SYT6: variants seen among roughly 807,000 people sequenced by gnomAD.
The protein encoded by SYT6 is synaptotagmin 6, also known as synaptotagmin-6.
A neutral mutation model predicts 38.4 loss-of-function variants in SYT6; 24 were observed. The observed-to-expected ratio is 0.62, with a 90% CI of 0.45 to 0.88. The LOEUF (loss-of-function observed/expected upper bound fraction) is 0.88. Ranked by LOEUF, SYT6 falls within the 40% of genes least tolerant of loss-of-function variation. The pLI is 0.00. For missense variants in SYT6, 611 were observed against 621.0 expected (o/e 0.98, Z 0.17); for synonymous variants, 265 against 241.9 (o/e 1.10, Z -0.89).
Position 114,092,045 on chromosome 1 carries a change from G to C in SYT6, c.*89C>G, listed in dbSNP as rs1266972665. On this transcript the variant is annotated 3_prime_UTR_variant, in exon 8 of 8. Transcript: ENST00000610222. ...TGGAGGTGGTTTCGGAGATGGGCAC[G>C]AGCTCTCACTGTCGAAGCTAGCAGC... 6 of 1,536,264 alleles carry C rather than the reference G, an allele frequency of 3.9e-6. No individual in the cohort carries two copies. In the South Asian group the frequency reaches 4.8e-5, roughly 12 times the overall value.
intron 1 of SYT6, among the ~76,000 whole-genome samples, chr1:114,144,696 G>C (rs1474580275): frequency 1.3e-5 from 2 of 152,062 alleles, no homozygotes; most frequent in African/African-American, 4.8e-5. Flanking sequence ...TTCTGAGCAA[G>C]GCTTGAATGC....
chr1:114,139,817 C>T lies in SYT6; in HGVS notation c.310G>A (p.Glu104Lys), dbSNP rs1171450714. The T allele has an allele frequency of 6.2e-7, 1 of 1,604,194 alleles. No homozygotes were observed. The highest frequency in any genetic ancestry group is 1.7e-5 in the Admixed American group (1 of 59,266). The change falls in exon 2 of 8, where the codon GAA becomes AAA. Residue 104 changes from glutamate (E) to lysine (K), a missense_variant. Transcript: ENST00000610222. ...SSPSSANPPL[E>K]ALQSPSFRGN... ...CTGAAGCTGGGGCTCTGGAGGGCTT[C>T]CAAGGGGGGATTAGCAGAAGAGGGA...
Position 114,103,683 on chromosome 1 carries a change from G to A in SYT6, c.1110C>T (p.Cys370=). The change falls in exon 4 of 8, where the codon TGC becomes TGT. Residue 370 remains cysteine, a synonymous_variant. Transcript: ENST00000610222. ...VDLGEIMFSL[C]YLPTAGRLTL... Reference sequence around the variant, plus strand: ...TGAGCCTGCCTGCAGTGGGCAGGTAGCAAAGGGAGAACATGATCTCTCCCA... The same window carrying A: ...TGAGCCTGCCTGCAGTGGGCAGGTAACAAAGGGAGAACATGATCTCTCCCA... 1.2e-6 allele frequency: 2 copies of A among 1,614,154 alleles called. No individual in the cohort carries two copies. The highest frequency in any genetic ancestry group is 1.3e-5 in the African/African-American group (1 of 75,038).
chr1:114,148,170 T>G (rs1046700894), intron 1 of SYT6, among the ~76,000 whole-genome samples: 1 of 152,036 alleles, frequency 6.6e-6, no homozygotes, highest in Non-Finnish European at 1.5e-5. Flanking sequence ...TTTCTTATCT[T>G]CCCCCACTGA....
chr1:114,119,810 G>A (rs924203885), intron 3 of SYT6, among the ~76,000 whole-genome samples: 5 of 152,194 alleles, frequency 3.3e-5, no homozygotes, highest in Admixed American at 6.5e-5. Flanking sequence ...GGTGGCTCAC[G>A]CCTGTAATCC....
At position 114,137,774 on chromosome 1, in the gene SYT6, G is replaced by T. The variant is rs202235973; in HGVS notation, c.792C>A (p.Ser264Arg). The T allele has an allele frequency of 3.0e-5, 48 of 1,614,046 alleles. No individual in the cohort carries two copies. The highest frequency in any genetic ancestry group is 3.3e-4 in the Middle Eastern group (2 of 6,084). ...GGTAGATCTTGACATAAGGGTCAGA[G>T]CTTCCACAAAAGTCCTTGGCAGGGA... is the stretch of plus-strand genomic sequence containing the variant. ...FDLPAKDFCG[S>R]SDPYVKIYLL... Residue 264 changes from serine to arginine, a missense_variant, in exon 3 of 8, where the codon AGC becomes AGA. Physicochemically the swap from Ser to Arg is moderately radical, Grantham distance 110. Coordinates refer to ENST00000610222, the MANE Select transcript of SYT6 (RefSeq NM_001253772.2).
intron 1 of SYT6, among the ~76,000 whole-genome samples, chr1:114,150,580 G>C (rs1205997320): frequency 6.6e-6 from 1 of 152,152 alleles, no homozygotes; most frequent in Admixed American, 6.6e-5. Context: ...TTCTGCATTT[G>C]CTGGAGCACT....
chr1:114,097,967 A>T, intron 5 of SYT6, 90 bp from the exon 6 acceptor site: 1 of 1,467,586 alleles, frequency 6.8e-7, no homozygotes, highest in Non-Finnish European at 9.3e-7. Flanking sequence ...ACTCTGCCCG[A>T]TGGGTCTAAC....
chr1:114,134,546 G>A lies in SYT6; in HGVS notation c.1071+2949C>T, dbSNP rs150128670. Among the ~76,000 whole-genome samples the A allele has an allele frequency of 1.3e-3, 200 of 152,266 alleles. 2 individuals carry two copies. The highest frequency in any genetic ancestry group is 3.3e-3 in the Admixed American group (50 of 15,292). ...TAGAATATGACTCAGGATATAACTC[G>A]GGGATACAGAGAACACACGGGAGAG... On this transcript the variant is annotated intron_variant, in intron 3 of 7. Coordinates refer to ENST00000610222, the MANE Select transcript of SYT6 (RefSeq NM_001253772.2).
At chr1:114,111,039 A>G (rs1017420884) in intron 3 of SYT6, among the ~76,000 whole-genome samples, 2 of 152,222 alleles carry the variant, frequency 1.3e-5, no homozygotes, top group African/African-American at 2.4e-5. Flanking sequence ...CAGGGCATCC[A>G]GAGTACCTTC....
chr1:114,090,148 G>T lies in SYT6; in HGVS notation c.*1986C>A, dbSNP rs901147. ...GGCCTTCAGCATCTGTTCACTGACG[G>T]AAACGACTATCTTGATGGGGTCAGT... On this transcript the variant is annotated 3_prime_UTR_variant, in exon 8 of 8. Transcript: ENST00000610222. 0.028 allele frequency: 4,199 copies of T among 152,396 alleles called. 171 individuals carry two copies. Among genetic ancestry groups the T allele is most frequent in the African/African-American group, 0.089 (3,695 of 41,534 alleles). 9.4% of individuals were successfully genotyped at this position (152,396 alleles called of 1,614,324 possible).
In SYT6 at chr1:114,097,854, C is replaced by G. The variant is rs1348367286; in HGVS notation, c.1388G>C (p.Gly463Ala). 6.2e-7 allele frequency: 1 copy of G among 1,614,206 alleles called. No homozygotes were observed. Among genetic ancestry groups the G allele is most frequent in the Admixed American group, 1.7e-5 (1 of 60,026 alleles). The change falls in exon 6 of 8, where the codon GGA becomes GCA. Residue 463 changes from glycine (G) to alanine (A), a missense_variant. Physicochemically the swap from Gly to Ala is moderately conservative, Grantham distance 60. Coordinates refer to ENST00000610222, the MANE Select transcript of SYT6 (RefSeq NM_001253772.2). ...YDRVGHNEII[G>A]VCRVGITAEG... Reference sequence around the variant, plus strand: ...AGCAGTGATCCCCACACGACAGACTCCTATGATCTCATTGTGGCCCACTCT... The same window carrying G: ...AGCAGTGATCCCCACACGACAGACTGCTATGATCTCATTGTGGCCCACTCT...
intron 1 of SYT6, among the ~76,000 whole-genome samples, chr1:114,140,690 C>T (rs1302047611): frequency 2.0e-5 from 3 of 152,222 alleles, no homozygotes; most frequent in African/African-American, 7.2e-5. Flanking sequence ...TAGAGGCACA[C>T]TTCATTTTGC....
intron 3 of SYT6, among the ~76,000 whole-genome samples, chr1:114,104,253 A>G (rs541278946): frequency 6.6e-6 from 1 of 152,288 alleles, no homozygotes; most frequent in East Asian, 1.9e-4. Context: ...ATCACAGCCA[A>G]CCAAGGAGAC....
chr1:114,140,875 T>C (rs1335514986), intron 1 of SYT6, among the ~76,000 whole-genome samples: 1 of 152,222 alleles, frequency 6.6e-6, no homozygotes, highest in Admixed American at 6.5e-5. Context: ...ATTACTATTA[T>C]GGTTGTTATG....
intron 3 of SYT6, among the ~76,000 whole-genome samples, chr1:114,129,653 TTTTCTTTCTTTC>T (rs143511158): frequency 7.1e-6 from 1 of 141,098 alleles, no homozygotes; most frequent in African/African-American, 2.6e-5. Context: ...CTTTCTTTCT[TTTTCTTTCTTTC>T]TTTCTTTCTT....
intron 3 of SYT6, among the ~76,000 whole-genome samples, chr1:114,135,322 A>G (rs1307856697): frequency 6.6e-6 from 1 of 152,146 alleles, no homozygotes; most frequent in East Asian, 1.9e-4. Context: ...TCCTGCAACC[A>G]TACCCAGAGG....
At chr1:114,128,602 C>T (rs1020058149) in intron 3 of SYT6, among the ~76,000 whole-genome samples, 2 of 152,232 alleles carry the variant, frequency 1.3e-5, no homozygotes, top group Non-Finnish European at 2.9e-5. Context: ...CAAAGCGGCC[C>T]TTGTCAAGGC....
chr1:114,110,525 A>G (rs993567631), intron 3 of SYT6, among the ~76,000 whole-genome samples: 3 of 152,206 alleles, frequency 2.0e-5, no homozygotes, highest in African/African-American at 7.2e-5. Context: ...GATGGTGGCT[A>G]TGATACCAGA....
Sources: gnomAD v4.1 joint callset for allele counts (sites outside exome capture counted in the v4.1 genomes callset) on GRCh38, gnomAD v4.1.1 for gene constraint, MANE v1.5 for transcripts, NCBI Gene and HGNC (gene_info 2026-07-23, HGNC 2026-07-21) for gene names.